DNAH5: variants seen among roughly 807,000 people sequenced by gnomAD.
DNAH5 encodes dynein axonemal heavy chain 5, also known as axonemal beta dynein heavy chain 5.
Under a neutral mutation model 518.2 loss-of-function variants are expected in DNAH5, and 372 were observed. The observed-to-expected ratio is 0.72, with a 90% confidence interval of 0.66 to 0.78. The LOEUF is 0.78. DNAH5 is among the 30% of genes least tolerant of loss of function. The probability of loss-of-function intolerance (pLI) is 0.00; values close to 1 mark genes in which losing one functional copy is unlikely to be tolerated. For synonymous variants in DNAH5, 2,039 were observed against 2,025.9 expected (o/e 1.01, Z -0.17); for missense variants, 5,523 against 5,687.0 (o/e 0.97, Z 0.93).
chr5:13,974,513 G>A (rs900997898), intron 1 of DNAH5, among the ~76,000 whole-genome samples: 19 of 152,134 alleles, frequency 1.2e-4, no homozygotes, highest in African/African-American at 4.3e-4. Flanking sequence ...GGCATTTGAT[G>A]GGTTTTAATG....
At chr5:13,801,419 T>C (rs776881130) in intron 47 of DNAH5, among the ~76,000 whole-genome samples, 12 of 152,238 alleles carry the variant, frequency 7.9e-5, no homozygotes, top group Non-Finnish European at 1.2e-4. Flanking sequence ...CTTTTCTTTA[T>C]AAATTACCCA....
In DNAH5 at chr5:13,735,221, G is replaced by T. The variant is rs913734375; in HGVS notation, c.11671C>A (p.His3891Asn). The T allele has an allele frequency of 5.0e-6, 8 of 1,613,946 alleles. No individual in the cohort carries two copies. Among genetic ancestry groups the T allele is most frequent in the Non-Finnish European group, 8.5e-7 (1 of 1,179,992 alleles). ...AGCAACAAGGTGAACAGGAATTTGTGCTCCTCGTACAGCCCTCGGGCAGCA... is the reference window on the plus strand; with the variant it reads ...AGCAACAAGGTGAACAGGAATTTGTTCTCCTCGTACAGCCCTCGGGCAGCA... ...KYAARGLYEEHKFLFTLLLTL... is the reference protein window; with the variant it reads ...KYAARGLYEENKFLFTLLLTL... Residue 3891 changes from histidine to asparagine, a missense_variant, in exon 68 of 79, where the codon CAC (histidine) becomes AAC (asparagine). Around this residue, in one of 3 missense-constraint regions of DNAH5, gnomAD observed 5,121 missense variants for 5,223.3 expected, o/e 0.98. Coordinates refer to ENST00000265104, the MANE Select transcript of DNAH5 (RefSeq NM_001369.3).
intron 1 of DNAH5, among the ~76,000 whole-genome samples, chr5:13,965,331 G>A (rs1297599901): frequency 6.6e-6 from 1 of 151,882 alleles, no homozygotes. Context: ...CTGAATTATT[G>A]CATGTAAACT....
At position 13,850,703 on chromosome 5, in the gene DNAH5, A is replaced by G; in HGVS notation, c.5063T>C (p.Leu1688Pro). Residue 1688 changes from leucine (L) to proline (P), a missense_variant, in exon 31 of 79, where the codon CTG (leucine) becomes CCG (proline). Coordinates refer to ENST00000265104, the MANE Select transcript of DNAH5 (RefSeq NM_001369.3). ...CAACTGGTCCAGCAAGTGTGGTAAC[A>G]GCTGCCCCAGGGTCTCATCTCCAAC... ...CCVGDETLGQ[L>P]LPHLLDQLEI... 2 of 1,614,082 alleles carry G rather than the reference A, an allele frequency of 1.2e-6. No homozygotes were observed. The highest frequency in any genetic ancestry group is 2.2e-5 in the East Asian group (1 of 44,892).
chr5:13,716,801 T>G (rs920710257), intron 73 of DNAH5, 111 bp from the exon 74 acceptor site: 3 of 769,176 alleles, frequency 3.9e-6, no homozygotes, highest in Non-Finnish European at 6.8e-6. Context: ...CAGTCACTCT[T>G]CATCAGTACT....
intron 70 of DNAH5, among the ~76,000 whole-genome samples, chr5:13,724,407 T>C (rs1463764136): frequency 6.6e-6 from 1 of 152,044 alleles, no homozygotes; most frequent in Non-Finnish European, 1.5e-5. Context: ...ATCTTGGGAG[T>C]AAATAATGTG....
intron 15 of DNAH5, chr5:13,898,129 T>C (rs4701591): frequency 0.53 from 81,989 of 153,338 alleles, 22,319 homozygotes; most frequent in African/African-American, 0.63. Flanking sequence ...CATCTGCCAG[T>C]TGAATACCAA....
At chr5:13,903,178 G>T (rs111254086) in intron 12 of DNAH5, among the ~76,000 whole-genome samples, 1 of 151,952 alleles carries the variant, frequency 6.6e-6, no homozygotes, top group African/African-American at 2.4e-5. Context: ...AAATTTAGAC[G>T]TATAAAGGGG....
rs60470226 is a variant in DNAH5, at chr5:13,862,860, A to ATATATATATATATATATATATG, written c.4597-114_4597-113insCATATATATATATATATATATA. ...TTGCTTCATATATATATAAATATAT[A>ATATATATATATATATATATATG]TATAAACTTTTATATTTCCAGACCT... On this transcript the variant is annotated intron_variant, in intron 28 of 78. Transcript: ENST00000265104. The ATATATATATATATATATATATG allele has an allele frequency of 2.3e-3, 685 of 292,892 alleles. 6 individuals are homozygous for ATATATATATATATATATATATG. The highest frequency in any genetic ancestry group is 0.014 in the African/African-American group (630 of 44,062). The allele number at this position is 292,892 out of a possible 1,614,324, so 18.1% of individuals were successfully genotyped here. A position where few individuals can be genotyped will look rare whatever the true frequency, so the allele number is the denominator to read the frequency against.
chr5:13,944,286 T>G, intron 1 of DNAH5, 96 bp downstream of exon 1: 1 of 1,201,678 alleles, frequency 8.3e-7, no homozygotes, highest in African/African-American at 1.5e-5. Flanking sequence ...CATCAGTGTG[T>G]GACTTTGAAC....
At chr5:13,972,682 C>T (rs766647070) in intron 1 of DNAH5, among the ~76,000 whole-genome samples, 4 of 152,156 alleles carry the variant, frequency 2.6e-5, no homozygotes, top group Non-Finnish European at 4.4e-5. Flanking sequence ...CGGAGTTTCT[C>T]AGCTGTCTCA....
intron 1 of DNAH5, among the ~76,000 whole-genome samples, chr5:13,973,377 G>A (rs932799639): frequency 6.6e-6 from 1 of 152,216 alleles, no homozygotes; most frequent in Non-Finnish European, 1.5e-5. Context: ...AGGTCACCAA[G>A]TTTCTTACAG....
At chr5:14,000,106 T>C (rs1221352899) in intron 1 of DNAH5, among the ~76,000 whole-genome samples, 1 of 151,890 alleles carries the variant, frequency 6.6e-6, no homozygotes, top group Non-Finnish European at 1.5e-5. Context: ...TAGCCTTCTT[T>C]GGAAATAGGG....
intron 1 of DNAH5, among the ~76,000 whole-genome samples, chr5:13,972,383 A>G (rs2152058015): frequency 6.6e-6 from 1 of 152,262 alleles, no homozygotes; most frequent in Non-Finnish European, 1.5e-5. Context: ...CAAAATTGTT[A>G]CAAAGTTCAA....
At chr5:13,950,295 T>G (rs1394204512) in intron 1 of DNAH5, among the ~76,000 whole-genome samples, 1 of 152,168 alleles carries the variant, frequency 6.6e-6, no homozygotes, top group Non-Finnish European at 1.5e-5. Flanking sequence ...CTTGTATTTT[T>G]TTTTTGAGAT....
chr5:13,904,970 A>G (rs1291964586), intron 12 of DNAH5, among the ~76,000 whole-genome samples: 3 of 152,290 alleles, frequency 2.0e-5, no homozygotes, highest in Admixed American at 6.5e-5. Flanking sequence ...AACAGAAAAA[A>G]ATGTTTATTT....
chr5:13,742,342 G>A (rs1580006251), intron 65 of DNAH5, among the ~76,000 whole-genome samples: 2 of 149,908 alleles, frequency 1.3e-5, no homozygotes, highest in Admixed American at 1.3e-4. Context: ...CCCTACTTGA[G>A]AATTTACTTG....
intron 3 of DNAH5, among the ~76,000 whole-genome samples, chr5:13,925,338 C>A (rs1170928045): frequency 6.6e-6 from 1 of 152,180 alleles, no homozygotes; most frequent in Non-Finnish European, 1.5e-5. Flanking sequence ...GACATCTTCT[C>A]CCTGGCCCCC....
intron 32 of DNAH5, among the ~76,000 whole-genome samples, chr5:13,844,414 C>G (rs1230292744): frequency 6.6e-6 from 1 of 152,180 alleles, no homozygotes; most frequent in Non-Finnish European, 1.5e-5. Context: ...CTTCATGATT[C>G]TGTACACATG....
Sources: allele counts gnomAD v4.1 joint callset (sites outside exome capture counted in the v4.1 genomes callset), GRCh38; gene constraint gnomAD v4.1.1; regional missense constraint gnomAD v4.1.1; transcripts MANE v1.5; gene names NCBI Gene and HGNC (gene_info 2026-07-23, HGNC 2026-07-21).